The following COL5A1 variants were observed in gnomAD, a reference collection of about 807,000 sequenced individuals.
COL5A1 encodes the protein collagen alpha-1(V) chain.
A neutral mutation model predicts 263.7 loss-of-function variants in COL5A1; 16 were observed. The ratio of observed to expected loss-of-function variants is 0.06; its 90% CI spans 0.04 to 0.09. The LOEUF (loss-of-function observed/expected upper bound fraction) is 0.09. COL5A1 is among the 10% of genes least tolerant of loss of function. COL5A1 has a pLI of 1.00. For synonymous variants in COL5A1, 1,012 were observed against 1,004.5 expected (o/e 1.01, Z -0.14); for missense variants, 2,036 against 2,540.5 (o/e 0.80, Z 4.27).
In COL5A1 at chr9:134,843,551, A is replaced by G. The variant is rs1169713663; in HGVS notation, c.*1248A>G. 6.6e-6 allele frequency: 1 copy of G among 152,182 alleles called. No individual in the cohort carries two copies. Among genetic ancestry groups the G allele is most frequent in the Non-Finnish European group, 1.5e-5 (1 of 68,004 alleles). The allele number at this position is 152,182 out of a possible 1,614,324, so 9.4% of individuals were successfully genotyped here. ...TCCACTGGGCAGGATAGCCAAGCACACTCCCTCCTGCGCTCTCCCGCCCCG... is the reference window on the plus strand; with the variant it reads ...TCCACTGGGCAGGATAGCCAAGCACGCTCCCTCCTGCGCTCTCCCGCCCCG... On this transcript the variant is annotated 3_prime_UTR_variant, in exon 66 of 66. Coordinates refer to ENST00000371817, the MANE Select transcript of COL5A1 (RefSeq NM_000093.5).
At chr9:134,803,206 G>C (rs1838175486) in intron 39 of COL5A1, among the ~76,000 whole-genome samples, 1 of 152,180 alleles carries the variant, frequency 6.6e-6, no homozygotes, top group Admixed American at 6.5e-5. Context: ...GGCTTGAAGG[G>C]GGAGCGCAGG....
chr9:134,772,729 A>C, intron 25 of COL5A1, 61 bp from the exon 26 acceptor site: 1 of 1,537,278 alleles, frequency 6.5e-7, no homozygotes, highest in East Asian at 2.2e-5. Context: ...AGGGAGGGGA[A>C]GCGAGGGAGG....
rs908952208 is a variant in COL5A1 at position 134,789,131 on chromosome 9, C to A, written c.2647-24C>A. ...ACTCATTCCTGGCCCAGCTCTGATG[C>A]CTCCTCCTTAAACTCTCTTTCAGGG... On this transcript the variant is annotated intron_variant, in intron 31 of 65. Transcript: ENST00000371817. The surrounding 1 kb of genome is among the most constrained non-coding windows in gnomAD (Gnocchi z 4.8). The A allele has an allele frequency of 2.5e-6, 4 of 1,610,594 alleles. No individual in the cohort carries two copies. The African/African-American group carries it at 5.3e-5, about 22-fold the overall frequency.
At chr9:134,729,013 G>A (rs555737699) in intron 6 of COL5A1, among the ~76,000 whole-genome samples, 129 of 152,356 alleles carry the variant, frequency 8.5e-4, no homozygotes, top group Non-Finnish European at 1.4e-3. Context: ...TGAGGAGGAC[G>A]TTGGGAGATG....
intron 1 of COL5A1, among the ~76,000 whole-genome samples, chr9:134,653,669 G>T (rs1831774574): frequency 6.6e-6 from 1 of 152,158 alleles, no homozygotes; most frequent in Admixed American, 6.5e-5. Flanking sequence ...GGTTTATAGG[G>T]CTGGGGATCT....
At position 134,754,973 on chromosome 9, in the gene COL5A1, C is replaced by T. The variant is rs1835918039; in HGVS notation, c.1827+647C>T. On this transcript the variant is annotated intron_variant, in intron 16 of 65. Transcript: ENST00000371817. This position sits in a 1 kb window ranked among gnomAD's most constrained non-coding sequence, Gnocchi z 4.3. The stretch of plus-strand genomic sequence containing the variant: ...GTTGGATTTGTTTCAGTGTGGACCT[C>T]TTCCCAGTATGTTGTCTACCTAAGC... 6.6e-6 allele frequency among the ~76,000 whole-genome samples: 1 copy of T among 152,168 alleles called. No individual in the cohort carries two copies. The highest frequency in any genetic ancestry group is 1.5e-5 in the Non-Finnish European group (1 of 68,032).
At chr9:134,784,954 G>GAGGGCA in intron 29 of COL5A1, 35 bp from the exon 30 acceptor site, 1 of 1,462,688 alleles carries the variant, frequency 6.8e-7, no homozygotes, top group Non-Finnish European at 9.4e-7. Context: ...GTGTGCGGGG[G>GAGGGCA]GTGGTCTTCT....
intron 31 of COL5A1, among the ~76,000 whole-genome samples, chr9:134,788,574 T>A (rs1484856950): frequency 1.5e-5 from 2 of 136,764 alleles, no homozygotes; most frequent in African/African-American, 5.7e-5. Context: ...AATGAATGGG[T>A]AGGTGGGTGG....
rs564275225 is a variant in COL5A1 at position 134,686,604 on chromosome 9, G to A, written c.110-4308G>A. On this transcript the variant is annotated intron_variant, in intron 1 of 65. Transcript: ENST00000371817. This position sits in a 1 kb window ranked among gnomAD's most constrained non-coding sequence, Gnocchi z 4.6. ...CTTCCTTAAAACTGACCTTGCTGGC[G>A]TCCATTCCTTTATAGGTCTGGGGAC... is the stretch of plus-strand genomic sequence containing the variant. 1.4e-4 allele frequency among the ~76,000 whole-genome samples: 21 copies of A among 152,184 alleles called. No individual in the cohort carries two copies. Among genetic ancestry groups the A allele is most frequent in the East Asian group, 5.8e-4 (3 of 5,186 alleles).
intron 13 of COL5A1, 70 bp downstream of exon 13, chr9:134,750,952 T>A: frequency 7.5e-7 from 1 of 1,341,176 alleles, no homozygotes. Flanking sequence ...CAGGAGTGAG[T>A]GAGTCAGGCT....
chr9:134,701,773 T>G (rs1402701780), intron 4 of COL5A1, among the ~76,000 whole-genome samples: 4 of 152,190 alleles, frequency 2.6e-5, no homozygotes, highest in African/African-American at 4.8e-5. Flanking sequence ...CAGGGAGACC[T>G]GTGCCGACCC....
chr9:134,785,930 C>G, intron 30 of COL5A1, 65 bp from the exon 31 acceptor site: 1 of 1,474,568 alleles, frequency 6.8e-7, no homozygotes, highest in Non-Finnish European at 9.4e-7. Context: ...TCCTTTCTCT[C>G]TGCTCCGGGG....
rs200050805 is a variant in COL5A1 at position 134,759,734 on chromosome 9, A to ACACACATG, written c.1935+1444_1935+1445insTGCACACA. Reference sequence around the variant, plus strand: ...CACACCCCCCCACCCCCACACTCATACACACACACCACACATGCACACACA... The same window carrying ACACACATG: ...CACACCCCCCCACCCCCACACTCATACACACATGCACACACACCACACATGCACACACA... On this transcript the variant is annotated intron_variant, in intron 18 of 65. Transcript: ENST00000371817. Among the ~76,000 whole-genome samples the ACACACATG allele has an allele frequency of 6.3e-3, 304 of 47,924 alleles. 52 individuals carry two copies. Among genetic ancestry groups the ACACACATG allele is most frequent in the African/African-American group, 0.034 (259 of 7,704 alleles). The allele number at this position is 47,924 out of a possible 152,430, so 31.4% of individuals were successfully genotyped here.
chr9:134,760,383 T>C (rs1422370047), intron 18 of COL5A1, among the ~76,000 whole-genome samples: 170 of 25,458 alleles, frequency 6.7e-3, no homozygotes, highest in African/African-American at 0.018. Context: ...CACACATGCA[T>C]ACACACCCCC....
In COL5A1 at chr9:134,720,283, G is replaced by A. The variant is rs547651959; in HGVS notation, c.655-6983G>A. ...GTCCCCATCCCCTGAAAAGCCACGAGCTCACCCAAGCCCAAGCAGGGGCTG... is the reference window on the plus strand; with the variant it reads ...GTCCCCATCCCCTGAAAAGCCACGAACTCACCCAAGCCCAAGCAGGGGCTG... On this transcript the variant is annotated intron_variant, in intron 4 of 65. Transcript: ENST00000371817. Among the ~76,000 whole-genome samples, 5 of 152,280 alleles carry A rather than the reference G, an allele frequency of 3.3e-5. 1 individual carries two copies. The highest frequency in any genetic ancestry group is 1.2e-4 in the African/African-American group (5 of 41,568).
chr9:134,755,416 C>T lies in COL5A1; in HGVS notation c.1827+1090C>T, dbSNP rs949990339. 1.5e-4 allele frequency among the ~76,000 whole-genome samples: 23 copies of T among 152,100 alleles called. No individual in the cohort carries two copies. Among genetic ancestry groups the T allele is most frequent in the African/African-American group, 5.1e-4 (21 of 41,414 alleles). On this transcript the variant is annotated intron_variant, in intron 16 of 65. Transcript: ENST00000371817. The surrounding 1 kb of genome is among the most constrained non-coding windows in gnomAD (Gnocchi z 4.1). ...GGCCAGCTGCAGAGTTGCATGGTGTCGGGGCCATGCATATGCGTGTGTTTT... is the reference window on the plus strand; with the variant it reads ...GGCCAGCTGCAGAGTTGCATGGTGTTGGGGCCATGCATATGCGTGTGTTTT...
intron 24 of COL5A1, among the ~76,000 whole-genome samples, chr9:134,767,621 G>A (rs1836724925): frequency 6.6e-6 from 1 of 152,212 alleles, no homozygotes; most frequent in Non-Finnish European, 1.5e-5. Flanking sequence ...AAAAATACAG[G>A]ACATGCAGTT....
chr9:134,801,359 C>T (rs1052670235), intron 37 of COL5A1, among the ~76,000 whole-genome samples: 5 of 152,188 alleles, frequency 3.3e-5, no homozygotes, highest in East Asian at 3.8e-4. Flanking sequence ...CAGAGGTAGT[C>T]GCGGGTCCAG....
At chr9:134,753,823 A>G (rs1564433433) in intron 14 of COL5A1, 27 bp from the exon 15 acceptor site, 1 of 1,576,772 alleles carries the variant, frequency 6.3e-7, no homozygotes, top group South Asian at 1.1e-5. Context: ...CCTCGAGCAG[A>G]CATTAACACA....
Sources: allele counts gnomAD v4.1 joint callset (sites outside exome capture counted in the v4.1 genomes callset), GRCh38; gene constraint gnomAD v4.1.1; non-coding constraint Gnocchi (gnomAD v3.1); transcripts MANE v1.5; gene names NCBI Gene and HGNC (gene_info 2026-07-23, HGNC 2026-07-21).